Variants in GRID2 observed in about 807,000 individuals in gnomAD.
The protein encoded by GRID2 is glutamate ionotropic receptor delta type subunit 2.
In GRID2, 33 loss-of-function variants were observed where a neutral mutation model predicts 114.8. The observed-to-expected ratio is 0.29, with a 90% CI of 0.22 to 0.38. The LOEUF is 0.38. Among genes scored for constraint, GRID2 ranks in the 10% least tolerant of loss-of-function variants. The pLI is 1.00. For missense variants in GRID2, 1,184 were observed against 1,257.7 expected, an observed-to-expected ratio of 0.94 and a Z score of 0.89; for synonymous variants, 505 against 449.9, an observed-to-expected ratio of 1.12 and a Z score of -1.55.
chr4:93,683,905 T>G (rs1452307585), intron 14 of GRID2, among the ~76,000 whole-genome samples: 1 of 152,090 alleles, frequency 6.6e-6, no homozygotes, highest in Non-Finnish European at 1.5e-5. Context: ...TAAAGCATGA[T>G]AAGGACGACT....
chr4:93,623,835 A>T (rs1234641236), intron 13 of GRID2, among the ~76,000 whole-genome samples: 1 of 152,070 alleles, frequency 6.6e-6, no homozygotes, highest in African/African-American at 2.4e-5. Flanking sequence ...TCAAAATTTC[A>T]TTACTATTCT....
intron 10 of GRID2, among the ~76,000 whole-genome samples, chr4:93,424,474 T>A (rs1017830228): frequency 4.6e-5 from 7 of 152,184 alleles, no homozygotes; most frequent in African/African-American, 7.2e-5. Flanking sequence ...TACAGGGTTT[T>A]TTAATGTTCA....
chr4:92,562,528 C>A (rs778777482), intron 1 of GRID2, among the ~76,000 whole-genome samples: 1 of 152,104 alleles, frequency 6.6e-6, no homozygotes, highest in Non-Finnish European at 1.5e-5. Context: ...AAATTATATT[C>A]CAAGTAGTAC....
At chr4:92,903,848 A>C (rs1404170227) in intron 2 of GRID2, among the ~76,000 whole-genome samples, 2 of 151,946 alleles carry the variant, frequency 1.3e-5, no homozygotes, top group Non-Finnish European at 2.9e-5. Context: ...CTCTCTCCTC[A>C]ATGTGCTCAT....
At position 93,630,729 on chromosome 4, in the gene GRID2, A is replaced by G. The variant is rs553291220; in HGVS notation, c.2360+4294A>G. Among the ~76,000 whole-genome samples, 63 of 152,300 alleles carry G rather than the reference A, an allele frequency of 4.1e-4. 1 individual carries two copies. Among genetic ancestry groups the G allele is most frequent in the Non-Finnish European group, 8.1e-4 (55 of 68,012 alleles). ...TCGCAGAATTTGAGAATTTTTAGAA[A>G]TGGAACTAACAGTAGCTATGCCCTT... On this transcript the variant is annotated intron_variant, in intron 14 of 15. Transcript: ENST00000282020.
rs971691553 is a variant in GRID2 at position 92,392,389 on chromosome 4, A to C, written c.88+87645A>C. On this transcript the variant is annotated intron_variant, in intron 1 of 15. Transcript: ENST00000282020. ...TCCCATCTCTACTGAAAATACAAAAATTATCTGAGTGTGGTGGTGTGTGCC... is the reference window on the plus strand; with the variant it reads ...TCCCATCTCTACTGAAAATACAAAACTTATCTGAGTGTGGTGGTGTGTGCC... Among the ~76,000 whole-genome samples the C allele has an allele frequency of 2.1e-4, 32 of 152,024 alleles. 1 individual carries two copies. Among genetic ancestry groups the C allele is most frequent in the Admixed American group, 2.1e-3 (32 of 15,252 alleles).
intron 2 of GRID2, among the ~76,000 whole-genome samples, chr4:92,837,243 T>A (rs1168727419): frequency 6.6e-6 from 1 of 152,026 alleles, no homozygotes; most frequent in Non-Finnish European, 1.5e-5. Flanking sequence ...TCTGCTGAGT[T>A]TCAGTTCTTT....
At chr4:92,316,612 T>C (rs1456828065) in intron 1 of GRID2, among the ~76,000 whole-genome samples, 3 of 152,176 alleles carry the variant, frequency 2.0e-5, no homozygotes. Flanking sequence ...TCCTTAGAAC[T>C]TTCAGGAGTA....
At chr4:93,433,192 A>T (rs1453397209) in intron 10 of GRID2, among the ~76,000 whole-genome samples, 1 of 152,224 alleles carries the variant, frequency 6.6e-6, no homozygotes, top group East Asian at 1.9e-4. Context: ...CTGCTTTAGA[A>T]AATAATATCT....
At chr4:93,729,678 T>A (rs1730302653) in intron 14 of GRID2, among the ~76,000 whole-genome samples, 1 of 151,840 alleles carries the variant, frequency 6.6e-6, no homozygotes, top group Admixed American at 6.6e-5. Context: ...CCCGAGTAGC[T>A]AGGATTACAG....
At chr4:92,485,824 G>C (rs1238703853) in intron 1 of GRID2, among the ~76,000 whole-genome samples, 1 of 152,010 alleles carries the variant, frequency 6.6e-6, no homozygotes, top group African/African-American at 2.4e-5. Context: ...TTTTATGTTT[G>C]TATGTCTGAC....
At chr4:92,943,188 C>A (rs188802938) in intron 2 of GRID2, among the ~76,000 whole-genome samples, 1 of 152,220 alleles carries the variant, frequency 6.6e-6, no homozygotes, top group African/African-American at 2.4e-5. Context: ...TCCATTCTCC[C>A]TGTCACTTTC....
At chr4:93,634,089 G>A (rs1721194866) in intron 14 of GRID2, among the ~76,000 whole-genome samples, 1 of 152,136 alleles carries the variant, frequency 6.6e-6, no homozygotes, top group Non-Finnish European at 1.5e-5. Context: ...GAGAGCAGAA[G>A]TGACATTATT....
intron 9 of GRID2, among the ~76,000 whole-genome samples, chr4:93,409,731 T>C (rs1207326321): frequency 2.0e-5 from 3 of 152,144 alleles, no homozygotes; most frequent in Non-Finnish European, 4.4e-5. Context: ...ATGGAGGCAG[T>C]CTAAATTAAT....
intron 2 of GRID2, among the ~76,000 whole-genome samples, chr4:93,046,923 C>T (rs929438168): frequency 5.9e-5 from 9 of 151,918 alleles, no homozygotes; most frequent in Admixed American, 2.6e-4. Flanking sequence ...GTGGCTACTC[C>T]TATCTCAAAG....
chr4:93,304,661 A>AT (rs1392908508), intron 8 of GRID2, among the ~76,000 whole-genome samples: 1 of 152,164 alleles, frequency 6.6e-6, no homozygotes. Flanking sequence ...TGGGGAAAAC[A>AT]TTTTTTGCTT....
intron 4 of GRID2, among the ~76,000 whole-genome samples, chr4:93,144,327 G>A (rs1373669235): frequency 1.3e-5 from 2 of 152,178 alleles, no homozygotes; most frequent in Non-Finnish European, 2.9e-5. Context: ...TATGTGTTGT[G>A]ATTATTTTTA....
chr4:93,614,931 T>C (rs1741442158), intron 13 of GRID2, among the ~76,000 whole-genome samples: 1 of 152,238 alleles, frequency 6.6e-6, no homozygotes, highest in Non-Finnish European at 1.5e-5. Flanking sequence ...TCTTCTCCGA[T>C]AATACTTCAA....
At chr4:93,355,907 A>G (rs956679406) in intron 8 of GRID2, among the ~76,000 whole-genome samples, 1 of 152,058 alleles carries the variant, frequency 6.6e-6, no homozygotes, top group African/African-American at 2.4e-5. Flanking sequence ...CAGCAAAAGA[A>G]TGTAACTCCA....
Sources: gnomAD v4.1 joint callset for allele counts (sites outside exome capture counted in the v4.1 genomes callset) on GRCh38, gnomAD v4.1.1 for gene constraint, MANE v1.5 for transcripts, NCBI Gene and HGNC (gene_info 2026-07-23, HGNC 2026-07-21) for gene names.